Variants in CTNNA2 observed in about 807,000 individuals in gnomAD.
CTNNA2 encodes catenin alpha 2, also known as catenin alpha-2.
In CTNNA2, 42 loss-of-function variants were observed where a neutral mutation model predicts 101.0. The ratio of observed to expected loss-of-function variants is 0.42; its 90% CI spans 0.32 to 0.54. The LOEUF (loss-of-function observed/expected upper bound fraction) is 0.54. Among genes scored for constraint, CTNNA2 ranks in the 20% least tolerant of loss-of-function variants. The pLI, the probability that CTNNA2 is intolerant of heterozygous loss-of-function variation, is 0.14. For missense variants in CTNNA2, 871 were observed against 1,223.1 expected (o/e 0.71, Z 4.29); for synonymous variants, 450 against 456.4 (o/e 0.99, Z 0.18).
At position 79,466,729 on chromosome 2, in the gene CTNNA2, T is replaced by C. The variant is rs147898582; in HGVS notation, c.-134-38325T>C. On this transcript the variant is annotated intron_variant, in intron 4 of 21. Transcript: ENST00000466387. ...ACATTTGCTGTTCAGCAATATTCAC[T>C]GTACTGCAGCCTCTGCTGCTGATAC... 0.011 allele frequency among the ~76,000 whole-genome samples: 1,636 copies of C among 152,322 alleles called. 79 individuals are homozygous for C. The East Asian group carries it at 0.13, about 12-fold the overall frequency.
At chr2:79,312,322 C>G (rs752236624) in intron 2 of CTNNA2, among the ~76,000 whole-genome samples, 37 of 152,190 alleles carry the variant, frequency 2.4e-4, no homozygotes, top group Non-Finnish European at 4.6e-4. Flanking sequence ...ATAACATAGT[C>G]AATGTCTTTT....
chr2:79,419,818 C>T (rs912165715), intron 4 of CTNNA2, among the ~76,000 whole-genome samples: 1 of 151,974 alleles, frequency 6.6e-6, no homozygotes, highest in Admixed American at 6.6e-5. Flanking sequence ...TAAATAATGC[C>T]CCAGTATGAC....
chr2:80,131,252 T>G (rs780014988), intron 7 of CTNNA2, among the ~76,000 whole-genome samples: 5 of 152,168 alleles, frequency 3.3e-5, no homozygotes, highest in Admixed American at 6.5e-5. Context: ...AGACACGAGA[T>G]TTCACTGTGT....
At chr2:79,878,445 C>T (rs886734403) in intron 6 of CTNNA2, among the ~76,000 whole-genome samples, 1 of 152,170 alleles carries the variant, frequency 6.6e-6, no homozygotes, top group Non-Finnish European at 1.5e-5. Flanking sequence ...AGTGTAAAAG[C>T]GTACCTGTTT....
chr2:80,033,675 G>T (rs771042599), intron 7 of CTNNA2, among the ~76,000 whole-genome samples: 7 of 152,116 alleles, frequency 4.6e-5, no homozygotes, highest in African/African-American at 9.7e-5. Flanking sequence ...GACAATGAAT[G>T]AACAAATACC....
chr2:79,723,073 TA>T (rs1295470272), intron 2 of CTNNA2, among the ~76,000 whole-genome samples: 1 of 152,200 alleles, frequency 6.6e-6, no homozygotes, highest in African/African-American at 2.4e-5. Flanking sequence ...AAAAATACTT[TA>T]TTTTTTTAAG....
At chr2:79,188,190 T>A (rs1193145641) in intron 1 of CTNNA2, among the ~76,000 whole-genome samples, 1 of 152,168 alleles carries the variant, frequency 6.6e-6, no homozygotes, top group African/African-American at 2.4e-5. Flanking sequence ...AGTACAGCAG[T>A]CATATATCTT....
intron 7 of CTNNA2, among the ~76,000 whole-genome samples, chr2:80,191,560 C>T (rs1038304919): frequency 2.0e-5 from 3 of 152,102 alleles, no homozygotes; most frequent in Admixed American, 6.6e-5. Flanking sequence ...TCACTGGTTT[C>T]CAACTGGAAA....
chr2:79,448,465 A>G (rs1678856446), intron 4 of CTNNA2, among the ~76,000 whole-genome samples: 1 of 152,072 alleles, frequency 6.6e-6, no homozygotes, highest in East Asian at 1.9e-4. Flanking sequence ...AAGAATTTTT[A>G]TATTTTTAAA....
At chr2:79,603,684 TAGTGTA>T (rs1677697078) in intron 1 of CTNNA2, among the ~76,000 whole-genome samples, 1 of 152,168 alleles carries the variant, frequency 6.6e-6, no homozygotes, top group African/African-American at 2.4e-5. Flanking sequence ...ATAAGACTGA[TAGTGTA>T]AGTACATTTT....
chr2:79,197,532 A>C (rs1201262267), intron 1 of CTNNA2, among the ~76,000 whole-genome samples: 1 of 151,292 alleles, frequency 6.6e-6, no homozygotes, highest in Non-Finnish European at 1.5e-5. Flanking sequence ...GTTCTACCAT[A>C]ATGTATGGTG....
intron 7 of CTNNA2, among the ~76,000 whole-genome samples, chr2:80,091,506 T>C (rs1699791044): frequency 6.6e-6 from 1 of 152,094 alleles, no homozygotes; most frequent in Admixed American, 6.6e-5. Flanking sequence ...AGAATTCTGA[T>C]GATAGCTGTG....
intron 3 of CTNNA2, among the ~76,000 whole-genome samples, chr2:79,803,583 C>A (rs144836976): frequency 6.6e-6 from 1 of 152,240 alleles, no homozygotes. Context: ...CCGCCCTGGG[C>A]GGGCCAGGTG....
rs183224823 is a variant in CTNNA2, at chr2:80,060,926, C to T, written c.1056+151129C>T. ...ATGAACCCACATCCAGTGGCCAGTT[C>T]GTGCAAGGGTACAGAGGCTTGCACA... is the stretch of plus-strand genomic sequence containing the variant. On this transcript the variant is annotated intron_variant, in intron 7 of 18. Coordinates refer to ENST00000402739, the MANE Select transcript of CTNNA2 (RefSeq NM_001282597.3). Among the ~76,000 whole-genome samples the T allele has an allele frequency of 3.7e-4, 56 of 152,210 alleles. No individual in the cohort carries two copies. In the East Asian group the frequency reaches 4.1e-3, roughly 11 times the overall value.
At chr2:79,555,347 T>G (rs1258598174) in intron 1 of CTNNA2, among the ~76,000 whole-genome samples, 1 of 152,004 alleles carries the variant, frequency 6.6e-6, no homozygotes, top group Non-Finnish European at 1.5e-5. Flanking sequence ...TCCTCTTGAA[T>G]GGGGAGGGAA....
chr2:80,541,601 G>T (rs1378778100), intron 9 of CTNNA2, among the ~76,000 whole-genome samples: 3 of 152,158 alleles, frequency 2.0e-5, no homozygotes, highest in Non-Finnish European at 4.4e-5. Context: ...TTAGAGTCCA[G>T]CTCTTCTGAG....
intron 9 of CTNNA2, among the ~76,000 whole-genome samples, chr2:80,540,442 C>CA: frequency 6.6e-6 from 1 of 151,854 alleles, no homozygotes; most frequent in East Asian, 1.9e-4. Flanking sequence ...ACTAAAAATA[C>CA]AAAAATTAGC....
intron 7 of CTNNA2, among the ~76,000 whole-genome samples, chr2:80,274,359 G>A (rs1341761655): frequency 6.6e-6 from 1 of 152,180 alleles, no homozygotes; most frequent in Non-Finnish European, 1.5e-5. Flanking sequence ...TATAGCAATA[G>A]TCTTCGTGCT....
At chr2:79,294,907 A>T (rs1362041702) in intron 2 of CTNNA2, among the ~76,000 whole-genome samples, 1 of 152,008 alleles carries the variant, frequency 6.6e-6, no homozygotes, top group Non-Finnish European at 1.5e-5. Context: ...TTATCTGCTG[A>T]TGGATATATT....
Sources: gnomAD v4.1 joint callset for allele counts (sites outside exome capture counted in the v4.1 genomes callset) on GRCh38, gnomAD v4.1.1 for gene constraint, MANE v1.5 for transcripts, NCBI Gene and HGNC (gene_info 2026-07-23, HGNC 2026-07-21) for gene names.